PLAC8: variants seen among roughly 807,000 people sequenced by gnomAD.
PLAC8 encodes the protein placenta associated 8, also known as placenta-specific gene 8 protein.
In PLAC8, 6 loss-of-function variants were observed where a neutral mutation model predicts 12.6. That is an observed-to-expected ratio of 0.48 (90% confidence interval 0.26 to 0.94). PLAC8 has a LOEUF of 0.94. Ranked by LOEUF, PLAC8 falls within the 40% of genes least tolerant of loss-of-function variation. The pLI is 0.14. For synonymous variants in PLAC8, 54 were observed against 52.6 expected (o/e 1.03, Z -0.11); for missense variants, 122 against 152.7 (o/e 0.80, Z 1.06).
At chr4:83,107,209 AC>A (rs770447464) in intron 2 of PLAC8, among the ~76,000 whole-genome samples, 7,311 of 64,116 alleles carry the variant, frequency 0.11, 518 homozygotes, top group African/African-American at 0.26. Context: ...TCAAAAACAA[AC>A]AAAAAAAAAA....
chr4:83,106,213 C>A (rs528378538), intron 2 of PLAC8, among the ~76,000 whole-genome samples: 1 of 151,850 alleles, frequency 6.6e-6, no homozygotes, highest in East Asian at 2.0e-4. Flanking sequence ...CTTGGCCAGG[C>A]TGGTCTTGAA....
chr4:83,105,116 G>C, intron 2 of PLAC8, 96 bp from the exon 3 acceptor site: 1 of 1,432,374 alleles, frequency 7.0e-7, no homozygotes, highest in Non-Finnish European at 9.7e-7. Flanking sequence ...CCGAGTCATG[G>C]GGCCTTGGCC....
At chr4:83,109,421 C>T (rs1732348551) in intron 1 of PLAC8, among the ~76,000 whole-genome samples, 3 of 152,178 alleles carry the variant, frequency 2.0e-5, no homozygotes, top group Admixed American at 2.0e-4. Flanking sequence ...GATCCCACAG[C>T]AAACAAGATT....
At chr4:83,098,588 A>ATGTATTTTTATGT (rs907785530) in intron 3 of PLAC8, among the ~76,000 whole-genome samples, 1 of 152,230 alleles carries the variant, frequency 6.6e-6, no homozygotes, top group African/African-American at 2.4e-5. Context: ...ATGTAATGTT[A>ATGTATTTTTATGT]AAAGATAATG....
At chr4:83,099,083 AATT>A (rs1732020301) in intron 3 of PLAC8, among the ~76,000 whole-genome samples, 1 of 152,064 alleles carries the variant, frequency 6.6e-6, no homozygotes, top group African/African-American at 2.4e-5. Context: ...TAATAATTAT[AATT>A]ATTATGTTAA....
At position 83,107,210 on chromosome 4, in the gene PLAC8, CA is replaced by C. The variant is rs1194021802; in HGVS notation, c.118+593del. Among the ~76,000 whole-genome samples the C allele has an allele frequency of 4.0e-3, 438 of 108,416 alleles. 3 individuals are homozygous for C. The highest frequency in any genetic ancestry group is 0.016 in the African/African-American group (416 of 25,572). 71.1% of individuals were successfully genotyped at this position (108,416 alleles called of 152,430 possible). A position where few individuals can be genotyped will look rare whatever the true frequency, so the allele number is the denominator to read the frequency against. On this transcript the variant is annotated intron_variant, in intron 2 of 4. Transcript: ENST00000311507. ...AGTGAGACTTCGTCTCAAAAACAAA[CA>C]AAAAAAAAAAACAAAAAAAAAAACA...
chr4:83,092,105 G>A (rs899317165), intron 4 of PLAC8, among the ~76,000 whole-genome samples: 13 of 152,102 alleles, frequency 8.5e-5, no homozygotes, highest in Non-Finnish European at 1.5e-5. Context: ...AGTGAGTGAT[G>A]TAGGGTCCAA....
intron 3 of PLAC8, among the ~76,000 whole-genome samples, chr4:83,098,887 A>C (rs1447626734): frequency 3.3e-5 from 5 of 152,134 alleles, no homozygotes; most frequent in Non-Finnish European, 5.9e-5. Flanking sequence ...TTTCTAACCT[A>C]ATATTTAGAT....
At chr4:83,114,486 T>C (rs1732487762) in intron 1 of PLAC8, among the ~76,000 whole-genome samples, 180 bp downstream of exon 1, 1 of 152,232 alleles carries the variant, frequency 6.6e-6, no homozygotes, top group Admixed American at 6.5e-5. Flanking sequence ...CAAGAAATTG[T>C]TGAATTTGAC....
Position 83,107,844 on chromosome 4 carries a change from C to T in PLAC8, c.78G>A (p.Trp26Ter). Residue 26 changes from tryptophan (W) to a stop codon, truncating the protein, a stop_gained, in exon 2 of 5, where the codon TGG (tryptophan) becomes TGA (stop). Coordinates refer to ENST00000311507, the MANE Select transcript of PLAC8 (RefSeq NM_016619.3). LOFTEE classifies it high-confidence loss of function. ...GPGPAPQNSN[W>*]QTGMCDCFSD... Reference sequence around the variant, plus strand: ...TGAAACAGTCACACATGCCTGTCTGCCAGTTGGAGTTCTGGGGGGCCGGAC... The same window carrying T: ...TGAAACAGTCACACATGCCTGTCTGTCAGTTGGAGTTCTGGGGGGCCGGAC... 1 of 1,608,454 alleles carries T rather than the reference C, an allele frequency of 6.2e-7. No individual in the cohort carries two copies. The highest frequency in any genetic ancestry group is 1.1e-5 in the South Asian group (1 of 90,854).
At chr4:83,111,243 A>AG (rs1732416845) in intron 1 of PLAC8, among the ~76,000 whole-genome samples, 1 of 152,234 alleles carries the variant, frequency 6.6e-6, no homozygotes, top group African/African-American at 2.4e-5. Context: ...CACTGGAATT[A>AG]CAGGTGTAAG....
intron 3 of PLAC8, among the ~76,000 whole-genome samples, chr4:83,098,289 TA>T (rs902041024): frequency 2.6e-5 from 4 of 152,000 alleles, no homozygotes; most frequent in Admixed American, 2.0e-4. Context: ...GGCCAAGAGC[TA>T]AAAAAAATTA....
intron 4 of PLAC8, chr4:83,093,529 T>C (rs1731856646): frequency 6.6e-6 from 1 of 152,214 alleles, no homozygotes; most frequent in South Asian, 2.1e-4. Flanking sequence ...ATCTTTGAAC[T>C]ATCACAGTTT....
chr4:83,101,524 A>C (rs1055293265), intron 3 of PLAC8, among the ~76,000 whole-genome samples: 3 of 152,268 alleles, frequency 2.0e-5, no homozygotes, highest in Admixed American at 6.5e-5. Flanking sequence ...CTGATGGAGA[A>C]GGTGTGGCAA....
At chr4:83,101,940 A>G (rs1176031007) in intron 3 of PLAC8, among the ~76,000 whole-genome samples, 1 of 152,240 alleles carries the variant, frequency 6.6e-6, no homozygotes, top group Non-Finnish European at 1.5e-5. Context: ...ACTGAAACCT[A>G]TACTCACAAA....
At chr4:83,100,607 T>C (rs2126141451) in intron 3 of PLAC8, among the ~76,000 whole-genome samples, 1 of 152,280 alleles carries the variant, frequency 6.6e-6, no homozygotes, top group East Asian at 1.9e-4. Context: ...ATGTGTGTAT[T>C]CTGACTGCTC....
At chr4:83,107,219 A>AC (rs1008262121) in intron 2 of PLAC8, among the ~76,000 whole-genome samples, 11 of 125,164 alleles carry the variant, frequency 8.8e-5, no homozygotes, top group African/African-American at 3.1e-4. Flanking sequence ...ACAAAAAAAA[A>AC]AAACAAAAAA....
At chr4:83,102,360 C>T (rs1732118787) in intron 3 of PLAC8, among the ~76,000 whole-genome samples, 1 of 151,974 alleles carries the variant, frequency 6.6e-6, no homozygotes, top group Admixed American at 6.6e-5. Context: ...TGGTAAAAAC[C>T]CATCTCTACC....
chr4:83,095,233 T>C (rs1731898225), intron 3 of PLAC8, among the ~76,000 whole-genome samples: 1 of 152,182 alleles, frequency 6.6e-6, no homozygotes, highest in Non-Finnish European at 1.5e-5. Context: ...GATCCCAGGA[T>C]GAGAGCTAAG....
Sources: gnomAD v4.1 joint callset for allele counts (sites outside exome capture counted in the v4.1 genomes callset) on GRCh38, gnomAD v4.1.1 for gene constraint, MANE v1.5 for transcripts, NCBI Gene and HGNC (gene_info 2026-07-23, HGNC 2026-07-21) for gene names.